Variants in TENM2 observed in about 807,000 individuals in gnomAD.
The protein encoded by TENM2 is teneurin transmembrane protein 2, also known as teneurin-2.
In TENM2, 52 loss-of-function variants were observed where a neutral mutation model predicts 245.2. The observed-to-expected ratio is 0.21, with a 90% CI of 0.17 to 0.27. The LOEUF is 0.27. Among genes scored for constraint, TENM2 ranks in the 10% least tolerant of loss-of-function variants. The probability of loss-of-function intolerance (pLI) is 1.00; values close to 1 mark genes in which losing one functional copy is unlikely to be tolerated. For synonymous variants in TENM2, 1,363 were observed against 1,438.9 expected, an observed-to-expected ratio of 0.95 and a Z score of 1.19; for missense variants, 3,046 against 3,666.8, an observed-to-expected ratio of 0.83 and a Z score of 4.37.
At chr5:167,155,801 A>G in the TENM2 span, among the ~76,000 whole-genome samples, 1 of 152,262 alleles carries the variant, frequency 6.6e-6, no homozygotes, top group Non-Finnish European at 1.5e-5. Context: ...AGCAGGAAGC[A>G]ACGTGAAACT....
At chr5:167,801,109 AATATATATATATATATATATAT>A (rs869282464) in intron 2 of TENM2, among the ~76,000 whole-genome samples, 7 of 66,556 alleles carry the variant, frequency 1.1e-4, no homozygotes, top group African/African-American at 3.8e-4. Context: ...AAAAAAAAAA[AATATATATATATATATATATAT>A]ATATATATAT....
chr5:167,838,620 C>A (rs1404002290), intron 2 of TENM2, among the ~76,000 whole-genome samples: 1 of 152,192 alleles, frequency 6.6e-6, no homozygotes, highest in Non-Finnish European at 1.5e-5. Context: ...ATTTCCCTCA[C>A]CTCCTCCTAA....
At chr5:167,702,573 C>CATATAT (rs754600304) in intron 2 of TENM2, among the ~76,000 whole-genome samples, 1 of 101,580 alleles carries the variant, frequency 9.8e-6, no homozygotes, top group African/African-American at 4.5e-5. Context: ...TATATATATA[C>CATATAT]ATATATATAT....
chr5:167,782,654 A>C (rs767814857), intron 2 of TENM2, among the ~76,000 whole-genome samples: 1 of 152,224 alleles, frequency 6.6e-6, no homozygotes, highest in Non-Finnish European at 1.5e-5. Flanking sequence ...AAACAAAAAA[A>C]TTACAAGGGA....
intron 3 of TENM2, among the ~76,000 whole-genome samples, chr5:167,884,453 A>G (rs1445340845): frequency 6.6e-6 from 1 of 152,168 alleles, no homozygotes; most frequent in Non-Finnish European, 1.5e-5. Flanking sequence ...TTCTGTCTCT[A>G]TGAATTTGTG....
At chr5:167,207,522 A>C in the TENM2 span, among the ~76,000 whole-genome samples, 9 of 152,334 alleles carry the variant, frequency 5.9e-5, no homozygotes, top group African/African-American at 2.2e-4. Flanking sequence ...ACACATCTGC[A>C]AGCCAAATTA....
At chr5:167,599,279 A>G (rs947921519) in intron 2 of TENM2, among the ~76,000 whole-genome samples, 3 of 152,224 alleles carry the variant, frequency 2.0e-5, no homozygotes, top group African/African-American at 7.2e-5. Context: ...GAGAAAGGGT[A>G]GAACAATCCT....
intron 2 of TENM2, among the ~76,000 whole-genome samples, chr5:167,445,769 TG>T (rs1268252053): frequency 6.6e-6 from 1 of 152,158 alleles, no homozygotes; most frequent in African/African-American, 2.4e-5. Flanking sequence ...AAGTTTTGGC[TG>T]GGACATCCCT....
At chr5:168,092,982 T>C (rs933637714) in intron 8 of TENM2, among the ~76,000 whole-genome samples, 1 of 152,238 alleles carries the variant, frequency 6.6e-6, no homozygotes, top group Admixed American at 6.5e-5. Context: ...ATCACAATTC[T>C]CTGCATTTTC....
chr5:167,523,501 TAAATGTGTAG>T (rs1190896537), intron 2 of TENM2, among the ~76,000 whole-genome samples: 1 of 152,090 alleles, frequency 6.6e-6, no homozygotes, highest in Non-Finnish European at 1.5e-5. Context: ...ATTTTACACA[TAAATGTGTAG>T]ACACAATCTG....
At chr5:168,223,632 A>G (rs191817134) in intron 23 of TENM2, among the ~76,000 whole-genome samples, 1 of 151,968 alleles carries the variant, frequency 6.6e-6, no homozygotes, top group African/African-American at 2.4e-5. Context: ...GCGCCCAGCT[A>G]ATTTTTGTAT....
chr5:167,165,154 T>C, the TENM2 span: 1 of 152,182 alleles, frequency 6.6e-6, no homozygotes, highest in Non-Finnish European at 1.5e-5. Context: ...CTATAATAAG[T>C]AACCTTCAAA....
chr5:167,104,469 G>T, the TENM2 span, among the ~76,000 whole-genome samples: 1 of 152,092 alleles, frequency 6.6e-6, no homozygotes, highest in South Asian at 2.1e-4. Flanking sequence ...ATATGGAAAG[G>T]ACACACAATA....
chr5:167,582,354 A>G (rs947340404), intron 2 of TENM2, among the ~76,000 whole-genome samples: 9 of 152,150 alleles, frequency 5.9e-5, no homozygotes, highest in African/African-American at 2.2e-4. Flanking sequence ...GACAAAAATC[A>G]TTTTATTCTT....
At chr5:167,908,054 T>A (rs1373957101) in intron 3 of TENM2, among the ~76,000 whole-genome samples, 1 of 152,132 alleles carries the variant, frequency 6.6e-6, no homozygotes, top group East Asian at 1.9e-4. Context: ...AATTTGATTA[T>A]CTCTGTCTGT....
At chr5:168,156,104 A>T (rs1757138726) in intron 12 of TENM2, among the ~76,000 whole-genome samples, 1 of 151,894 alleles carries the variant, frequency 6.6e-6, no homozygotes, top group Non-Finnish European at 1.5e-5. Context: ...TAAGATTAAC[A>T]AGTAAAATAT....
intron 2 of TENM2, among the ~76,000 whole-genome samples, chr5:167,495,651 GTTC>G (rs952479686): frequency 6.6e-6 from 1 of 152,044 alleles, no homozygotes; most frequent in Non-Finnish European, 1.5e-5. Context: ...GATCCGGATT[GTTC>G]TTCTCTTGTG....
chr5:167,698,478 C>A (rs2150429123), intron 2 of TENM2, among the ~76,000 whole-genome samples: 1 of 152,224 alleles, frequency 6.6e-6, no homozygotes, highest in East Asian at 1.9e-4. Context: ...GCCCCTTAAT[C>A]CCCAAGATTA....
In TENM2 at chr5:168,226,164, A is replaced by T; in HGVS notation, c.5185A>T (p.Lys1729Ter). The stretch of plus-strand genomic sequence containing the variant: ...AACCAGTCTGCACCGGGAAATGGAG[A>T]AATCTATTACCATTGACATTGAGAA... The change falls in exon 24 of 29, where the codon AAA (lysine) becomes TAA (stop). Residue 1729 changes from lysine to a stop codon, truncating the protein, a stop_gained. Transcript: ENST00000518659. LOFTEE classifies it high-confidence loss of function. 6.2e-7 allele frequency: 1 copy of T among 1,613,652 alleles called. No homozygotes were observed.
Sources: allele counts gnomAD v4.1 joint callset (sites outside exome capture counted in the v4.1 genomes callset), GRCh38; gene constraint gnomAD v4.1.1; transcripts MANE v1.5; gene names NCBI Gene and HGNC (gene_info 2026-07-23, HGNC 2026-07-21).